Variants in KCNH5 observed in about 807,000 individuals in gnomAD.
The protein encoded by KCNH5 is voltage-gated delayed rectifier potassium channel KCNH5.
KCNH5 carries 46 observed loss-of-function variants against 96.1 expected under a neutral mutation model. That is an observed-to-expected ratio of 0.48 (90% CI 0.38 to 0.61). KCNH5 has a LOEUF of 0.61. Ranked by LOEUF, KCNH5 falls within the 20% of genes least tolerant of loss-of-function variation. The pLI is 0.00. For missense variants in KCNH5, 907 were observed against 1,225.8 expected (o/e 0.74, Z 3.88); for synonymous variants, 439 against 449.8 (o/e 0.98, Z 0.30).
At chr14:63,038,910 T>C (rs898736603) in intron 1 of KCNH5, among the ~76,000 whole-genome samples, 14 of 152,096 alleles carry the variant, frequency 9.2e-5, no homozygotes, top group East Asian at 5.8e-4. Flanking sequence ...TGCTGAGGAT[T>C]TTTTTACATT....
chr14:62,789,200 T>C (rs1886380941), intron 9 of KCNH5, among the ~76,000 whole-genome samples: 1 of 152,090 alleles, frequency 6.6e-6, no homozygotes, highest in Non-Finnish European at 1.5e-5. Context: ...ATGTGTCTGG[T>C]TTATTTCACT....
intron 1 of KCNH5, among the ~76,000 whole-genome samples, chr14:63,021,443 A>G (rs1009592695): frequency 1.3e-5 from 2 of 152,136 alleles, no homozygotes; most frequent in East Asian, 1.9e-4. Flanking sequence ...CATGCTGCCC[A>G]CTATTCACTT....
At chr14:62,747,835 C>T (rs980596432) in intron 10 of KCNH5, among the ~76,000 whole-genome samples, 2 of 152,092 alleles carry the variant, frequency 1.3e-5, no homozygotes, top group Non-Finnish European at 2.9e-5. Flanking sequence ...GTTATGCTGA[C>T]TGTGTGGAGT....
intron 10 of KCNH5, chr14:62,712,456 C>T (rs1463476664): frequency 1.7e-6 from 1 of 588,246 alleles, no homozygotes; most frequent in Non-Finnish European, 3.0e-6. Context: ...ATTCTTTTAT[C>T]ACAGAGAAGC....
In KCNH5 at chr14:62,802,326, T is replaced by C. The variant is rs1886679041; in HGVS notation, c.1822+3A>G. ...GCTACTACATTAGGAAAGTTCACAG[T>C]ACCTAAAATAGCCACCACCTCATCA... On this transcript the variant is annotated splice_donor_region_variant and intron_variant, in intron 9 of 10. Coordinates refer to ENST00000322893, the MANE Select transcript of KCNH5 (RefSeq NM_139318.5). 5 of 1,613,194 alleles carry C rather than the reference T, an allele frequency of 3.1e-6. No individual in the cohort carries two copies. Among genetic ancestry groups the C allele is most frequent in the Non-Finnish European group, 4.2e-6 (5 of 1,179,242 alleles).
intron 6 of KCNH5, among the ~76,000 whole-genome samples, chr14:62,977,035 C>A (rs541890767): frequency 6.6e-6 from 1 of 152,080 alleles, no homozygotes. Context: ...TTACAGCATG[C>A]TGCAAGGATC....
At chr14:63,008,774 A>C (rs1891172779) in intron 2 of KCNH5, among the ~76,000 whole-genome samples, 1 of 152,154 alleles carries the variant, frequency 6.6e-6, no homozygotes. Context: ...GTCAAAGCTG[A>C]AATTTCAGCT....
chr14:63,042,815 G>T (rs1891851108), intron 1 of KCNH5, among the ~76,000 whole-genome samples: 1 of 152,104 alleles, frequency 6.6e-6, no homozygotes, highest in South Asian at 2.1e-4. Context: ...CTGAGGTTCT[G>T]CCTATAAAAG....
chr14:62,938,266 A>G (rs951468582), intron 7 of KCNH5, among the ~76,000 whole-genome samples: 5 of 152,198 alleles, frequency 3.3e-5, no homozygotes, highest in African/African-American at 1.2e-4. Context: ...GTATTTCCTG[A>G]GAGTCCACTT....
At chr14:62,741,717 T>C (rs1274848068) in intron 10 of KCNH5, among the ~76,000 whole-genome samples, 1 of 152,168 alleles carries the variant, frequency 6.6e-6, no homozygotes, top group Non-Finnish European at 1.5e-5. Flanking sequence ...ATTTCCTACC[T>C]ATGTAATCAT....
intron 10 of KCNH5, among the ~76,000 whole-genome samples, chr14:62,761,605 G>T (rs73271181): frequency 0.028 from 4,195 of 152,124 alleles, 150 homozygotes; most frequent in East Asian, 0.092. Context: ...ACTCTCAAAA[G>T]AACTCTGGCT....
intron 6 of KCNH5, among the ~76,000 whole-genome samples, chr14:62,956,260 T>C (rs1312290622): frequency 6.6e-6 from 1 of 151,800 alleles, no homozygotes; most frequent in Non-Finnish European, 1.5e-5. Flanking sequence ...TACAAAAGAG[T>C]ATATACTGTA....
At chr14:62,724,147 G>C (rs936922765) in intron 10 of KCNH5, among the ~76,000 whole-genome samples, 1 of 152,094 alleles carries the variant, frequency 6.6e-6, no homozygotes, top group African/African-American at 2.4e-5. Flanking sequence ...GTTTTATTTA[G>C]TAAAAGTCTA....
At chr14:62,923,364 A>G (rs891560348) in intron 7 of KCNH5, among the ~76,000 whole-genome samples, 1 of 152,018 alleles carries the variant, frequency 6.6e-6, no homozygotes. Flanking sequence ...CACAGATTGA[A>G]AGAATTAATA....
At chr14:63,031,863 C>A (rs1891634257) in intron 1 of KCNH5, among the ~76,000 whole-genome samples, 1 of 151,846 alleles carries the variant, frequency 6.6e-6, no homozygotes, top group Admixed American at 6.6e-5. Context: ...ATGTTACAGG[C>A]CTTATATATA....
intron 9 of KCNH5, among the ~76,000 whole-genome samples, chr14:62,783,226 C>G (rs769777786): frequency 1.3e-4 from 20 of 152,152 alleles, no homozygotes; most frequent in Non-Finnish European, 2.5e-4. Context: ...ACACAAAGCA[C>G]AGAAGTAAAT....
At chr14:62,772,610 C>T (rs987602429) in intron 10 of KCNH5, among the ~76,000 whole-genome samples, 1 of 142,392 alleles carries the variant, frequency 7.0e-6, no homozygotes, top group Non-Finnish European at 1.5e-5. Flanking sequence ...GCACTCCAGC[C>T]TGGGACACAG....
At chr14:62,831,214 T>C (rs1388747150) in intron 8 of KCNH5, among the ~76,000 whole-genome samples, 1 of 152,186 alleles carries the variant, frequency 6.6e-6, no homozygotes, top group African/African-American at 2.4e-5. Context: ...TCCTCATGAC[T>C]CTCAGCTCTG....
At chr14:63,016,712 TA>T in intron 2 of KCNH5, 118 bp downstream of exon 2, 1 of 946,942 alleles carries the variant, frequency 1.1e-6, no homozygotes, top group Non-Finnish European at 1.5e-6. Context: ...CCTAATATTC[TA>T]ACATAATTTT....
Sources: gnomAD v4.1 joint callset for allele counts (sites outside exome capture counted in the v4.1 genomes callset) on GRCh38, gnomAD v4.1.1 for gene constraint, MANE v1.5 for transcripts, NCBI Gene and HGNC (gene_info 2026-07-23, HGNC 2026-07-21) for gene names.